Variants in CFAP74 observed in about 807,000 individuals in gnomAD.
CFAP74 encodes the protein cilia- and flagella-associated protein 74.
A neutral mutation model predicts 188.9 loss-of-function variants in CFAP74; 124 were observed. That is an observed-to-expected ratio of 0.66 (90% CI 0.57 to 0.76). The LOEUF is 0.76. Among genes scored for constraint, CFAP74 ranks in the 30% least tolerant of loss-of-function variants. The pLI is 0.00. For missense variants in CFAP74, 2,198 were observed against 2,165.2 expected, an observed-to-expected ratio of 1.02 and a Z score of -0.30; for synonymous variants, 956 against 916.7, an observed-to-expected ratio of 1.04 and a Z score of -0.77.
intron 2 of CFAP74, among the ~76,000 whole-genome samples, chr1:1,990,498 GAT>G (rs1657505987): frequency 6.6e-6 from 1 of 152,112 alleles, no homozygotes; most frequent in African/African-American, 2.4e-5. Context: ...TGCGTTCCCA[GAT>G]TGCGATGGCC....
intron 10 of CFAP74, among the ~76,000 whole-genome samples, chr1:1,969,656 C>T (rs1248250214): frequency 2.0e-5 from 3 of 152,248 alleles, no homozygotes; most frequent in South Asian, 4.1e-4. Flanking sequence ...ACATGCCAGG[C>T]CTGCGCCAGG....
intron 12 of CFAP74, among the ~76,000 whole-genome samples, chr1:1,965,852 G>A (rs112194786): frequency 0.027 from 4,062 of 152,306 alleles, 182 homozygotes; most frequent in African/African-American, 0.094. Flanking sequence ...ACCGGGCGGC[G>A]GGCATTGCCC....
At chr1:1,998,718 C>CA (rs34150558) in intron 1 of CFAP74, among the ~76,000 whole-genome samples, 51,076 of 149,748 alleles carry the variant, frequency 0.34, 9,545 homozygotes, top group African/African-American at 0.51. Flanking sequence ...ACTAAAAATA[C>CA]AAAAAAAAAT....
intron 1 of CFAP74, among the ~76,000 whole-genome samples, chr1:1,992,869 G>C (rs138797759): frequency 6.6e-6 from 1 of 151,934 alleles, no homozygotes; most frequent in African/African-American, 2.4e-5. Context: ...TCTTGGTACC[G>C]AATCTTCTGT....
intron 6 of CFAP74, among the ~76,000 whole-genome samples, chr1:1,981,549 G>C (rs570562213): frequency 1.7e-5 from 2 of 117,108 alleles, no homozygotes; most frequent in Admixed American, 8.3e-5. Flanking sequence ...GCCGCGGACA[G>C]ACACGGGGGG....
Position 1,923,641 on chromosome 1 carries a change from G to A in CFAP74, c.4389+134C>T, listed in dbSNP as rs1651575229. 4 of 1,517,868 alleles carry A rather than the reference G, an allele frequency of 2.6e-6. No individual in the cohort carries two copies. Among genetic ancestry groups the A allele is most frequent in the South Asian group, 1.2e-5 (1 of 82,696 alleles). The allele number at this position is 1,517,868 out of a possible 1,614,324, so 94.0% of individuals were successfully genotyped here. A position where few individuals can be genotyped will look rare whatever the true frequency, so the allele number is the denominator to read the frequency against. On this transcript the variant is annotated intron_variant, in intron 35 of 38. Transcript: ENST00000682832. This position sits in a 1 kb window ranked among gnomAD's most constrained non-coding sequence, Gnocchi z 6.3. ...CCTGGACTCTGGTCTTTCCACTGAC[G>A]GCCCTCAGTGTGGTGCTGAGTCCCC...
chr1:1,991,918 C>T (rs947833935), intron 1 of CFAP74, among the ~76,000 whole-genome samples: 131 of 150,692 alleles, frequency 8.7e-4, no homozygotes, highest in Middle Eastern at 6.9e-3. Context: ...CAGGCGCCTG[C>T]GGTCCCAGCT....
intron 22 of CFAP74, 44 bp downstream of exon 22, chr1:1,941,984 C>T (rs1240473320): frequency 1.4e-6 from 2 of 1,434,898 alleles, no homozygotes; most frequent in South Asian, 1.5e-5. Context: ...GAGCCCACAA[C>T]CTCCCACGTC....
chr1:1,988,817 C>CG, intron 3 of CFAP74, 72 bp downstream of exon 3: 4 of 490,504 alleles, frequency 8.2e-6, no homozygotes, highest in Non-Finnish European at 1.4e-5. Flanking sequence ...CCGCTCCCTT[C>CG]ACCCACCCCC....
intron 6 of CFAP74, among the ~76,000 whole-genome samples, chr1:1,980,928 G>A (rs972830703): frequency 3.3e-5 from 5 of 152,236 alleles, no homozygotes; most frequent in African/African-American, 1.2e-4. Flanking sequence ...TGCGGATGAC[G>A]CGCATGGTGT....
intron 25 of CFAP74, among the ~76,000 whole-genome samples, chr1:1,932,214 G>T (rs1469129162): frequency 4.6e-5 from 7 of 151,756 alleles, no homozygotes. Flanking sequence ...GGCTAACATG[G>T]TGAAACCCCG....
chr1:1,937,551 C>T (rs1652983051), intron 25 of CFAP74, among the ~76,000 whole-genome samples: 1 of 152,156 alleles, frequency 6.6e-6, no homozygotes, highest in Admixed American at 6.5e-5. Flanking sequence ...TAATTGGAAG[C>T]CTCTGCAAAA....
intron 27 of CFAP74, 159 bp from the exon 28 acceptor site, chr1:1,927,905 C>T (rs1652044437): frequency 1.4e-6 from 1 of 737,620 alleles, no homozygotes. Flanking sequence ...AAGACAGTAG[C>T]CAGTGCGGAG....
chr1:1,964,536 T>A lies in CFAP74; in HGVS notation c.1575+352A>T, dbSNP rs544578907. Among the ~76,000 whole-genome samples, 4 of 152,346 alleles carry A rather than the reference T, an allele frequency of 2.6e-5. No homozygotes were observed. In the South Asian group the frequency reaches 8.3e-4, roughly 32 times the overall value. ...CAGGCGCAGTGGCTCATGCCTGCAA[T>A]CCCAGCACTTTGGGAGGCTGAGGCG... On this transcript the variant is annotated intron_variant, in intron 13 of 38. Transcript: ENST00000682832.
intron 1 of CFAP74, among the ~76,000 whole-genome samples, chr1:2,001,090 C>T (rs372209361): frequency 6.6e-6 from 1 of 151,890 alleles, no homozygotes; most frequent in African/African-American, 2.4e-5. Flanking sequence ...TTTGCAGGTG[C>T]CTGGCTGGGT....
At chr1:1,947,886 T>A (rs1653879931) in intron 18 of CFAP74, among the ~76,000 whole-genome samples, 1 of 152,092 alleles carries the variant, frequency 6.6e-6, no homozygotes, top group African/African-American at 2.4e-5. Flanking sequence ...CTTTTTTTTT[T>A]CTTTTAGACG....
Position 1,938,840 on chromosome 1 carries a change from C to T in CFAP74, c.3011+15G>A, listed in dbSNP as rs1307560002. On this transcript the variant is annotated intron_variant, in intron 25 of 38. Transcript: ENST00000682832. ...ACTCCAGGCCCCCTGCGTCCCCTCT[C>T]CCTGGCAGGCTCACCGGTTGATCTC... 6.5e-7 allele frequency: 1 copy of T among 1,535,652 alleles called. No homozygotes were observed. Among genetic ancestry groups the T allele is most frequent in the East Asian group, 2.4e-5 (1 of 40,902 alleles).
rs1009455144 is a variant in CFAP74 at position 1,960,010 on chromosome 1, A to G, written c.1715T>C (p.Leu572Pro). 12 of 1,590,862 alleles carry G rather than the reference A, an allele frequency of 7.5e-6. No individual in the cohort carries two copies. The highest frequency in any genetic ancestry group is 1.7e-4 in the Middle Eastern group (1 of 5,986). Residue 572 changes from leucine to proline, a missense_variant, in exon 15 of 39, where the codon CTG becomes CCG. By Grantham distance (98) the Leu-to-Pro change is moderately conservative. Coordinates refer to ENST00000682832, the MANE Select transcript of CFAP74 (RefSeq NM_001304360.2). ...CACTTCACAGGACATTCCGGCTGAC[A>G]GGGGGCCAGGGGGGTCAAAGCTGCA... ...IHVDFDPPGP[L>P]SAGMSCEVLV...
At chr1:1,935,875 C>T (rs1444798449) in intron 25 of CFAP74, among the ~76,000 whole-genome samples, 1 of 151,632 alleles carries the variant, frequency 6.6e-6, no homozygotes, top group Admixed American at 6.6e-5. Flanking sequence ...ACTACACACA[C>T]ACACACACAC....
Sources: allele counts gnomAD v4.1 joint callset (sites outside exome capture counted in the v4.1 genomes callset), GRCh38; gene constraint gnomAD v4.1.1; non-coding constraint Gnocchi (gnomAD v3.1); transcripts MANE v1.5; gene names NCBI Gene and HGNC (gene_info 2026-07-23, HGNC 2026-07-21).